Variants in TUBGCP3 observed in about 807,000 individuals in gnomAD.
TUBGCP3 encodes the protein gamma-tubulin complex component 3.
In TUBGCP3, 50 loss-of-function variants were observed where a neutral mutation model predicts 123.1. The ratio of observed to expected loss-of-function variants is 0.41; its 90% CI spans 0.32 to 0.51. TUBGCP3 has a LOEUF of 0.51. Ranked by LOEUF, TUBGCP3 falls within the 20% of genes least tolerant of loss-of-function variation. The pLI is 0.36. For synonymous variants in TUBGCP3, 405 were observed against 413.9 expected, an observed-to-expected ratio of 0.98 and a Z score of 0.26; for missense variants, 882 against 1,127.0, an observed-to-expected ratio of 0.78 and a Z score of 3.11.
intron 3 of TUBGCP3, among the ~76,000 whole-genome samples, chr13:112,564,363 G>C (rs1880781732): frequency 6.6e-6 from 1 of 152,176 alleles, no homozygotes. Context: ...AACACTAACA[G>C]TATTTGTTGC....
Position 112,588,062 on chromosome 13 carries a change from C to T in TUBGCP3, c.-82G>A. On this transcript the variant is annotated 5_prime_UTR_variant, in exon 1 of 22. Coordinates refer to ENST00000261965, the MANE Select transcript of TUBGCP3 (RefSeq NM_006322.6). The stretch of plus-strand genomic sequence containing the variant: ...GCAGGGACCGCGGCCCGCGCCCTTC[C>T]TGCGCCCCGCAAGCTCCCTGCTCCT... 8.3e-7 allele frequency: 1 copy of T among 1,204,136 alleles called. No homozygotes were observed. The highest frequency in any genetic ancestry group is 1.1e-6 in the Non-Finnish European group (1 of 924,686). 74.6% of individuals were successfully genotyped at this position (1,204,136 alleles called of 1,614,324 possible). A position where few individuals can be genotyped will look rare whatever the true frequency, so the allele number is the denominator to read the frequency against.
At chr13:112,564,572 T>C (rs1258606077) in intron 3 of TUBGCP3, among the ~76,000 whole-genome samples, 1 of 152,158 alleles carries the variant, frequency 6.6e-6, no homozygotes, top group Non-Finnish European at 1.5e-5. Context: ...TCCCAGCTAC[T>C]TGGGAGGCCC....
In TUBGCP3 at chr13:112,519,739, A is replaced by C; in HGVS notation, c.1881+147T>G. On this transcript the variant is annotated intron_variant, in intron 15 of 21. Coordinates refer to ENST00000261965, the MANE Select transcript of TUBGCP3 (RefSeq NM_006322.6). This position sits in a 1 kb window ranked among gnomAD's most constrained non-coding sequence, Gnocchi z 6.2. ...CTGACCAGGCAGTAACAAGCCACAG[A>C]GTGGAGTTCCTACTCAGGCTGCCCA... The C allele has an allele frequency of 1.9e-6, 2 of 1,051,336 alleles. No homozygotes were observed. The highest frequency in any genetic ancestry group is 3.9e-5 in the South Asian group (2 of 50,888). 65.1% of individuals were successfully genotyped at this position (1,051,336 alleles called of 1,614,324 possible).
In TUBGCP3 at chr13:112,485,639, A is replaced by G. The variant is rs1029099725; in HGVS notation, c.*354T>C. The G allele has an allele frequency of 4.7e-6, 1 of 210,922 alleles. No homozygotes were observed. 13.1% of individuals were successfully genotyped at this position (210,922 alleles called of 1,614,324 possible). On this transcript the variant is annotated 3_prime_UTR_variant, in exon 22 of 22. Transcript: ENST00000261965. ...CATCTTAACTAATGAATATCCTATC[A>G]CCCTAATTTTTTCTAAAAGAAATGG...
intron 1 of TUBGCP3, among the ~76,000 whole-genome samples, chr13:112,585,942 A>C (rs1270634988): frequency 1.3e-5 from 2 of 151,760 alleles, no homozygotes; most frequent in Non-Finnish European, 2.9e-5. Context: ...TTCAATGTAA[A>C]AAAAAAAAAG....
At chr13:112,541,543 A>G (rs527992768) in intron 11 of TUBGCP3, among the ~76,000 whole-genome samples, 2 of 75,050 alleles carry the variant, frequency 2.7e-5, no homozygotes, top group South Asian at 6.6e-4. Flanking sequence ...CTCCGTCTCA[A>G]AAAAAAAAAA....
At chr13:112,574,697 T>C (rs1432469181) in intron 1 of TUBGCP3, among the ~76,000 whole-genome samples, 1 of 151,952 alleles carries the variant, frequency 6.6e-6, no homozygotes, top group Non-Finnish European at 1.5e-5. Context: ...CTGGCAAAAA[T>C]ACATAAAACA....
At chr13:112,525,457 C>G (rs1876972372) in intron 13 of TUBGCP3, among the ~76,000 whole-genome samples, 1 of 152,220 alleles carries the variant, frequency 6.6e-6, no homozygotes, top group African/African-American at 2.4e-5. Flanking sequence ...GACTAATAAG[C>G]TCATGAAAGG....
At chr13:112,591,498 C>T (rs537990736), upstream of TUBGCP3, among the ~76,000 whole-genome samples, 1 of 152,326 alleles carries the variant, frequency 6.6e-6, no homozygotes, top group East Asian at 1.9e-4. Context: ...CAGCCATTGC[C>T]CATGAAACAA....
chr13:112,604,680 CA>C, the TUBGCP3 span: 62 of 152,220 alleles, frequency 4.1e-4, no homozygotes, highest in African/African-American at 1.4e-3. Context: ...ATTTGGAAAC[CA>C]CAAAAAATAC....
At chr13:112,527,624 C>T (rs1217614429) in intron 11 of TUBGCP3, 140 bp from the exon 12 acceptor site, 1 of 608,850 alleles carries the variant, frequency 1.6e-6, no homozygotes, top group African/African-American at 1.9e-5. Flanking sequence ...TACAATAAAA[C>T]TTGTATGAAA....
Position 112,547,523 on chromosome 13 carries a change from G to A in TUBGCP3, c.1168+97C>T, listed in dbSNP as rs112637751. On this transcript the variant is annotated intron_variant, in intron 10 of 21. Transcript: ENST00000261965. ...CCAGACGCGCGTGGGAAAGACGCGC[G>A]TGGGAAAGACGTGCATGGGAAAGTC... is the stretch of plus-strand genomic sequence containing the variant. The A allele has an allele frequency of 3.7e-4, 501 of 1,344,064 alleles. 1 individual carries two copies. The highest frequency in any genetic ancestry group is 1.9e-3 in the African/African-American group (125 of 64,858). The allele number at this position is 1,344,064 out of a possible 1,614,324, so 83.3% of individuals were successfully genotyped here.
chr13:112,561,751 GGGAAAGACGGCA>G (rs1880528575), intron 3 of TUBGCP3, among the ~76,000 whole-genome samples: 1 of 152,178 alleles, frequency 6.6e-6, no homozygotes, highest in Non-Finnish European at 1.5e-5. Flanking sequence ...GGTAGGTGAA[GGGAAAGACGGCA>G]GGAAATGTTC....
At chr13:112,505,212 T>A (rs1164365596) in intron 17 of TUBGCP3, among the ~76,000 whole-genome samples, 1 of 152,194 alleles carries the variant, frequency 6.6e-6, no homozygotes, top group African/African-American at 2.4e-5. Context: ...TCTCCTTTTA[T>A]CCTTTAGGAG....
the TUBGCP3 span, among the ~76,000 whole-genome samples, chr13:112,596,633 AT>A: frequency 6.6e-6 from 1 of 151,984 alleles, no homozygotes; most frequent in Non-Finnish European, 1.5e-5. Flanking sequence ...CTTTTGCCAA[AT>A]TTGGGGATTT....
chr13:112,505,138 C>T (rs544415513), intron 17 of TUBGCP3, among the ~76,000 whole-genome samples: 3 of 152,232 alleles, frequency 2.0e-5, no homozygotes, highest in East Asian at 3.9e-4. Flanking sequence ...TTTAAGGAAC[C>T]GACTGTGGCC....
intron 3 of TUBGCP3, among the ~76,000 whole-genome samples, chr13:112,561,187 G>A (rs1020241646): frequency 2.0e-5 from 3 of 152,218 alleles, no homozygotes; most frequent in Non-Finnish European, 4.4e-5. Flanking sequence ...TTATCTGGAG[G>A]GAGATGCAAG....
chr13:112,518,029 A>C (rs190261594), intron 16 of TUBGCP3, among the ~76,000 whole-genome samples: 101 of 152,360 alleles, frequency 6.6e-4, no homozygotes, highest in African/African-American at 2.2e-3. Flanking sequence ...ATTTAAGAGA[A>C]GTTATACACT....
chr13:112,489,951 A>G, intron 20 of TUBGCP3: 1 of 516,804 alleles, frequency 1.9e-6, no homozygotes, highest in Non-Finnish European at 3.4e-6. Context: ...ATCACATTGT[A>G]TAACATGTAA....
Sources: allele counts gnomAD v4.1 joint callset (sites outside exome capture counted in the v4.1 genomes callset), GRCh38; gene constraint gnomAD v4.1.1; non-coding constraint Gnocchi (gnomAD v3.1); transcripts MANE v1.5; gene names NCBI Gene and HGNC (gene_info 2026-07-23, HGNC 2026-07-21).